KIF26B: variants seen among roughly 807,000 people sequenced by gnomAD.
The protein encoded by KIF26B is kinesin family member 26B.
A neutral mutation model predicts 151.2 loss-of-function variants in KIF26B; 63 were observed. The observed-to-expected ratio is 0.42, with a 90% CI of 0.34 to 0.51. KIF26B has a LOEUF of 0.51. Among genes scored for constraint, KIF26B ranks in the 20% least tolerant of loss-of-function variants. The pLI is 0.07. For missense variants in KIF26B, 2,813 were observed against 2,913.6 expected (o/e 0.97, Z 0.79); for synonymous variants, 1,357 against 1,262.1 (o/e 1.08, Z -1.59).
At chr1:245,401,604 C>T (rs145169492) in intron 3 of KIF26B, among the ~76,000 whole-genome samples, 8 of 152,336 alleles carry the variant, frequency 5.3e-5, no homozygotes, top group African/African-American at 1.9e-4. Context: ...CGCGGTGGCT[C>T]ACGCCTGTAA....
chr1:245,369,168 T>TGAGAGAGAGG (rs1396163965), intron 3 of KIF26B, among the ~76,000 whole-genome samples: 9 of 135,860 alleles, frequency 6.6e-5, no homozygotes, highest in African/African-American at 2.3e-4. Context: ...AAAAGAAGAG[T>TGAGAGAGAGG]GAGAGAGAGA....
At position 245,602,417 on chromosome 1, in the gene KIF26B, C is replaced by G. The variant is rs1771526; in HGVS notation, c.1351-160C>G. On this transcript the variant is annotated intron_variant, in intron 5 of 14. Coordinates refer to ENST00000407071, the MANE Select transcript of KIF26B (RefSeq NM_018012.4). This position sits in a 1 kb window ranked among gnomAD's most constrained non-coding sequence, Gnocchi z 4.5. ...AATAAATCAGTTTTCCCGTGACCCA[C>G]CAAGGATGATGTTGCTAATTCACTG... Among the ~76,000 whole-genome samples, 112,576 of 152,196 alleles carry G rather than the reference C, an allele frequency of 0.74. 42,238 individuals are homozygous for G. Among genetic ancestry groups the G allele is most frequent in the East Asian group, 0.94 (4,886 of 5,188 alleles).
chr1:245,417,656 G>A (rs140223706), intron 3 of KIF26B, among the ~76,000 whole-genome samples: 1,594 of 152,310 alleles, frequency 0.01, 31 homozygotes, highest in African/African-American at 0.033. Flanking sequence ...CAGGAAGCTC[G>A]TGCATTGAAA....
chr1:245,656,962 T>G (rs958890763), intron 10 of KIF26B, among the ~76,000 whole-genome samples: 1 of 152,232 alleles, frequency 6.6e-6, no homozygotes, highest in Admixed American at 6.5e-5. Context: ...AAAACAGAGC[T>G]GAATTTCATT....
Position 245,476,221 on chromosome 1 carries a change from A to T in KIF26B, c.1166+56476A>T, listed in dbSNP as rs58636174. ...AAAATAGGCAAAACTATAGAGACAGAAAATACATTTGTGGTTGCCTAGAAC... is the reference window on the plus strand; with the variant it reads ...AAAATAGGCAAAACTATAGAGACAGTAAATACATTTGTGGTTGCCTAGAAC... On this transcript the variant is annotated intron_variant, in intron 4 of 14. Transcript: ENST00000407071. Among the ~76,000 whole-genome samples the T allele has an allele frequency of 2.4e-3, 363 of 152,012 alleles. 4 individuals are homozygous for T. The highest frequency in any genetic ancestry group is 8.6e-3 in the African/African-American group (358 of 41,552).
intron 2 of KIF26B, among the ~76,000 whole-genome samples, chr1:245,242,238 C>A (rs552078399): frequency 3.3e-5 from 5 of 152,182 alleles, no homozygotes; most frequent in South Asian, 4.1e-4. Flanking sequence ...GCCTTCCCCC[C>A]CCAAAATAGG....
chr1:245,385,238 C>A (rs2103019268), intron 3 of KIF26B, among the ~76,000 whole-genome samples: 1 of 152,308 alleles, frequency 6.6e-6, no homozygotes. Context: ...TTAAACATTG[C>A]ATATCTTGCT....
intron 9 of KIF26B, among the ~76,000 whole-genome samples, chr1:245,636,557 A>C (rs1216614434): frequency 6.6e-6 from 1 of 151,664 alleles, no homozygotes; most frequent in Non-Finnish European, 1.5e-5. Context: ...ATTATTAACT[A>C]TAGTTCTTCT....
intron 2 of KIF26B, among the ~76,000 whole-genome samples, chr1:245,328,327 C>CT (rs1376648507): frequency 6.6e-6 from 1 of 152,100 alleles, no homozygotes; most frequent in Non-Finnish European, 1.5e-5. Context: ...GGCCTGCAGT[C>CT]TGTTTCTATT....
At chr1:245,384,668 G>A (rs977032624) in intron 3 of KIF26B, among the ~76,000 whole-genome samples, 3 of 152,170 alleles carry the variant, frequency 2.0e-5, no homozygotes, top group African/African-American at 7.2e-5. Context: ...GAGGAATCAC[G>A]TATTTATGGA....
chr1:245,662,455 T>C (rs943281886), intron 10 of KIF26B, among the ~76,000 whole-genome samples: 41 of 121,254 alleles, frequency 3.4e-4, no homozygotes, highest in African/African-American at 1.0e-3. Context: ...TATATATATA[T>C]ACACCCCATG....
At chr1:245,190,768 A>G (rs150666235) in intron 2 of KIF26B, among the ~76,000 whole-genome samples, 2 of 151,664 alleles carry the variant, frequency 1.3e-5, no homozygotes, top group African/African-American at 4.8e-5. Flanking sequence ...CCTATAAGAG[A>G]TAAGAACCAG....
At chr1:245,648,060 T>C (rs1041003042) in intron 10 of KIF26B, among the ~76,000 whole-genome samples, 5 of 152,218 alleles carry the variant, frequency 3.3e-5, no homozygotes, top group African/African-American at 1.2e-4. Context: ...GGAAGAGTAC[T>C]AGCACTCACT....
chr1:245,681,416 A>G (rs2044437636), intron 10 of KIF26B, among the ~76,000 whole-genome samples: 1 of 152,028 alleles, frequency 6.6e-6, no homozygotes, highest in African/African-American at 2.4e-5. Flanking sequence ...TCACCGTGTT[A>G]GCCAGGATGT....
rs1054149557 is a variant in KIF26B at position 245,387,754 on chromosome 1, A to G, written c.999+20387A>G. Among the ~76,000 whole-genome samples, 6 of 152,290 alleles carry G rather than the reference A, an allele frequency of 3.9e-5. No homozygotes were observed. In the South Asian group the frequency reaches 6.2e-4, roughly 16 times the overall value. ...TTTCTGCTTCCCTAATATGCATGAT[A>G]CCAGCAGCAGACAGGGCTGCTTTGA... On this transcript the variant is annotated intron_variant, in intron 3 of 14. Transcript: ENST00000407071.
intron 2 of KIF26B, among the ~76,000 whole-genome samples, chr1:245,255,907 A>G (rs566725303): frequency 6.6e-6 from 1 of 152,330 alleles, no homozygotes; most frequent in African/African-American, 2.4e-5. Context: ...CACATAACCC[A>G]TTCCTTCATG....
At chr1:245,619,603 CA>C (rs34022501) in intron 9 of KIF26B, among the ~76,000 whole-genome samples, 39,626 of 110,644 alleles carry the variant, frequency 0.36, 5,816 homozygotes, top group African/African-American at 0.41. Context: ...GAAACTGTTT[CA>C]AAAAAAAAAA....
intron 2 of KIF26B, among the ~76,000 whole-genome samples, chr1:245,314,383 G>A (rs1207429469): frequency 6.6e-6 from 1 of 152,012 alleles, no homozygotes; most frequent in East Asian, 1.9e-4. Flanking sequence ...ACCCCAGAGG[G>A]AGAGGTTGCA....
chr1:245,196,316 A>G (rs909462827), intron 2 of KIF26B, among the ~76,000 whole-genome samples: 1 of 152,116 alleles, frequency 6.6e-6, no homozygotes, highest in Non-Finnish European at 1.5e-5. Flanking sequence ...TGGGCTCCCT[A>G]AGTCCATTTT....
Sources: allele counts gnomAD v4.1 joint callset (sites outside exome capture counted in the v4.1 genomes callset), GRCh38; gene constraint gnomAD v4.1.1; non-coding constraint Gnocchi (gnomAD v3.1); transcripts MANE v1.5; gene names NCBI Gene and HGNC (gene_info 2026-07-23, HGNC 2026-07-21).